Variants in STK32B observed in about 807,000 individuals in gnomAD.
STK32B encodes the protein serine/threonine kinase 32B.
Under a neutral mutation model 52.6 loss-of-function variants are expected in STK32B, and 43 were observed. That is an observed-to-expected ratio of 0.82 (90% CI 0.64 to 1.05). STK32B has a LOEUF of 1.05. Ranked by LOEUF, STK32B falls within the 50% of genes least tolerant of loss-of-function variation. The pLI is 0.00. For synonymous variants in STK32B, 238 were observed against 204.3 expected (o/e 1.17, Z -1.41); for missense variants, 621 against 534.6 (o/e 1.16, Z -1.59).
intron 4 of STK32B, among the ~76,000 whole-genome samples, chr4:5,337,562 T>C (rs1732791008): frequency 6.6e-6 from 1 of 152,170 alleles, no homozygotes; most frequent in South Asian, 2.1e-4. Context: ...CTCACATGTA[T>C]ACCATGACCA....
intron 1 of STK32B, among the ~76,000 whole-genome samples, chr4:5,057,747 G>GA (rs1485422559): frequency 6.6e-6 from 1 of 152,062 alleles, no homozygotes; most frequent in African/African-American, 2.4e-5. Flanking sequence ...GGGAGAACTG[G>GA]AAAAAACAGA....
chr4:5,330,208 G>A (rs1204633164), intron 3 of STK32B, among the ~76,000 whole-genome samples: 2 of 152,146 alleles, frequency 1.3e-5, no homozygotes, highest in African/African-American at 4.8e-5. Flanking sequence ...CTAAGACACA[G>A]GTCTAAGCTT....
chr4:5,260,904 G>T (rs1342360580), intron 3 of STK32B, among the ~76,000 whole-genome samples: 1 of 152,180 alleles, frequency 6.6e-6, no homozygotes, highest in African/African-American at 2.4e-5. Context: ...TGAGGCTTCA[G>T]TGGACCCCAG....
intron 4 of STK32B, among the ~76,000 whole-genome samples, chr4:5,334,031 G>C (rs576729867): frequency 3.5e-4 from 53 of 152,266 alleles, no homozygotes; most frequent in African/African-American, 1.3e-3. Flanking sequence ...TTGGTAGCTT[G>C]ATGGGGATGG....
At chr4:5,129,935 T>C (rs1359630954) in intron 1 of STK32B, among the ~76,000 whole-genome samples, 1 of 152,174 alleles carries the variant, frequency 6.6e-6, no homozygotes, top group Non-Finnish European at 1.5e-5. Flanking sequence ...GGCACTGTTC[T>C]AGGTGCTTGG....
chr4:5,137,979 C>T (rs1243855612), intron 1 of STK32B, among the ~76,000 whole-genome samples: 4 of 152,176 alleles, frequency 2.6e-5, no homozygotes, highest in Middle Eastern at 3.2e-3. Flanking sequence ...GTACCTGCCC[C>T]GTGGGGACCT....
chr4:5,330,507 G>C (rs1353786133), intron 3 of STK32B, among the ~76,000 whole-genome samples: 1 of 152,178 alleles, frequency 6.6e-6, no homozygotes. Flanking sequence ...CTCATGTTCT[G>C]TGGGGTAACT....
At chr4:5,484,094 T>C (rs1428301047) in intron 11 of STK32B, among the ~76,000 whole-genome samples, 1 of 152,218 alleles carries the variant, frequency 6.6e-6, no homozygotes, top group East Asian at 1.9e-4. Context: ...TCTGTAGATG[T>C]CTATTAGGTC....
intron 6 of STK32B, among the ~76,000 whole-genome samples, chr4:5,434,548 T>G (rs1224820675): frequency 1.3e-5 from 2 of 151,890 alleles, no homozygotes; most frequent in African/African-American, 4.8e-5. Context: ...GAGACAGAAC[T>G]AGGTTGTCAT....
chr4:5,257,931 A>G (rs561697675), intron 3 of STK32B, among the ~76,000 whole-genome samples: 7 of 152,328 alleles, frequency 4.6e-5, no homozygotes, highest in Non-Finnish European at 7.3e-5. Flanking sequence ...AGAAAGAGCA[A>G]GACTCCATCT....
chr4:5,210,447 A>G (rs1484590466), intron 3 of STK32B, among the ~76,000 whole-genome samples: 1 of 152,118 alleles, frequency 6.6e-6, no homozygotes. Flanking sequence ...CTAGTCTTTC[A>G]TCAGTATCAC....
At chr4:5,130,067 C>G (rs1715655092) in intron 1 of STK32B, among the ~76,000 whole-genome samples, 1 of 151,512 alleles carries the variant, frequency 6.6e-6, no homozygotes, top group Admixed American at 6.6e-5. Context: ...ATGACAATTC[C>G]TAAAACAGAA....
At chr4:5,377,290 A>G (rs1735647955) in intron 4 of STK32B, among the ~76,000 whole-genome samples, 1 of 152,204 alleles carries the variant, frequency 6.6e-6, no homozygotes, top group Admixed American at 6.5e-5. Context: ...TAACAGCAAA[A>G]GGGGTGAAAT....
intron 6 of STK32B, among the ~76,000 whole-genome samples, chr4:5,441,632 T>A (rs1714769182): frequency 6.6e-6 from 1 of 152,142 alleles, no homozygotes; most frequent in Admixed American, 6.5e-5. Flanking sequence ...TAGTTATTTC[T>A]TGCCTTCTGC....
chr4:5,480,732 C>A (rs1028304212), intron 11 of STK32B, among the ~76,000 whole-genome samples: 17 of 152,014 alleles, frequency 1.1e-4, no homozygotes, highest in Non-Finnish European at 2.2e-4. Flanking sequence ...TCCCTCCCCC[C>A]TCCACCCACC....
intron 1 of STK32B, among the ~76,000 whole-genome samples, chr4:5,108,105 A>G (rs146128850): frequency 4.0e-5 from 6 of 151,862 alleles, no homozygotes; most frequent in South Asian, 2.1e-4. Context: ...TTATTTAGCA[A>G]TTTTCTGGTT....
In STK32B at chr4:5,446,713, A is replaced by G. The variant is rs1409008919; in HGVS notation, c.603A>G (p.Gly201=). ...VFQVYMDRGP[G]YSYPVDWWSL... ...AGGTGTACATGGACAGAGGCCCCGG[A>G]TACTCGTACCCTGTCGACTGGTGGT... The change falls in exon 7 of 12, where the codon GGA becomes GGG. Residue 201 remains glycine (G), a synonymous_variant. Transcript: ENST00000282908. 1.2e-6 allele frequency: 2 copies of G among 1,613,942 alleles called. No individual in the cohort carries two copies. Among genetic ancestry groups the G allele is most frequent in the African/African-American group, 2.7e-5 (2 of 74,892 alleles).
chr4:5,148,148 A>G (rs1279121357), intron 2 of STK32B, among the ~76,000 whole-genome samples: 1 of 151,834 alleles, frequency 6.6e-6, no homozygotes, highest in Non-Finnish European at 1.5e-5. Context: ...CAAGAAATTA[A>G]TCAATTTTCT....
chr4:5,331,421 G>C, intron 4 of STK32B, 28 bp downstream of exon 4: 2 of 1,588,008 alleles, frequency 1.3e-6, no homozygotes. Context: ...GGGATGCCTG[G>C]GACAGAGGGA....
Sources: allele counts gnomAD v4.1 joint callset (sites outside exome capture counted in the v4.1 genomes callset), GRCh38; gene constraint gnomAD v4.1.1; transcripts MANE v1.5; gene names NCBI Gene and HGNC (gene_info 2026-07-23, HGNC 2026-07-21).